Variants in CNTFR observed in about 807,000 individuals in gnomAD.
CNTFR encodes ciliary neurotrophic factor receptor.
In CNTFR, 12 loss-of-function variants were observed where a neutral mutation model predicts 40.4. The observed-to-expected ratio is 0.30, with a 90% confidence interval of 0.19 to 0.48. The LOEUF is 0.48. Among genes scored for constraint, CNTFR ranks in the 20% least tolerant of loss-of-function variants. The pLI is 0.99. For missense variants in CNTFR, 414 were observed against 506.8 expected, an observed-to-expected ratio of 0.82 and a Z score of 1.76; for synonymous variants, 202 against 209.6, an observed-to-expected ratio of 0.96 and a Z score of 0.31.
At chr9:34,575,994 C>G (rs990484036) in intron 2 of CNTFR, among the ~76,000 whole-genome samples, 7 of 152,046 alleles carry the variant, frequency 4.6e-5, no homozygotes, top group African/African-American at 1.7e-4. Flanking sequence ...GGCGTGAGTA[C>G]GTGCACACAC....
chr9:34,589,781 C>G (rs909296597), upstream of CNTFR: 6 of 149,496 alleles, frequency 4.0e-5, no homozygotes, highest in African/African-American at 1.5e-4. The surrounding 1 kb of genome is among the most constrained non-coding windows in gnomAD (Gnocchi z 4.4). Flanking sequence ...CTCCCTCGCG[C>G]GCTCCCTCCC....
intron 2 of CNTFR, among the ~76,000 whole-genome samples, chr9:34,578,257 C>A (rs1356171289): frequency 6.6e-6 from 1 of 152,206 alleles, no homozygotes; most frequent in African/African-American, 2.4e-5. Context: ...GAGGAAGGAG[C>A]GCGCTGCAAG....
intron 2 of CNTFR, among the ~76,000 whole-genome samples, chr9:34,576,192 G>A (rs761516435): frequency 2.0e-5 from 3 of 152,140 alleles, no homozygotes; most frequent in Non-Finnish European, 4.4e-5. Context: ...GGCATTCAGA[G>A]CCTACCATCG....
Position 34,553,922 on chromosome 9 carries a change from G to A in CNTFR, c.769-1068C>T, listed in dbSNP as rs372558411. Among the ~76,000 whole-genome samples the A allele has an allele frequency of 7.9e-5, 12 of 152,222 alleles. 1 individual carries two copies. The East Asian group carries it at 1.4e-3, about 17-fold the overall frequency. ...TTGGTCCCTGTTCCAACCTTCCCCC[G>A]AGAAAACTGGGGTCTGGGCTATCTG... On this transcript the variant is annotated intron_variant, in intron 7 of 9. Transcript: ENST00000378980.
intron 3 of CNTFR, among the ~76,000 whole-genome samples, chr9:34,566,497 G>A (rs1315868909): frequency 3.3e-5 from 5 of 152,082 alleles, no homozygotes; most frequent in Non-Finnish European, 7.4e-5. Flanking sequence ...CCAAGACTCC[G>A]GCCACTGAGC....
intron 2 of CNTFR, chr9:34,569,941 T>A (rs1823565015): frequency 6.6e-6 from 1 of 152,206 alleles, no homozygotes; most frequent in Non-Finnish European, 1.5e-5. Context: ...CTTCCTGAGA[T>A]GAGTCCAACT....
chr9:34,555,108 C>G (rs115780171), intron 7 of CNTFR, among the ~76,000 whole-genome samples: 5,231 of 152,320 alleles, frequency 0.034, 318 homozygotes, highest in African/African-American at 0.12. Flanking sequence ...GTGTGCGCCG[C>G]GACGCGCGGG....
chr9:34,558,258 C>T (rs537022574), intron 4 of CNTFR, among the ~76,000 whole-genome samples: 1 of 152,320 alleles, frequency 6.6e-6, no homozygotes, highest in East Asian at 1.9e-4. Flanking sequence ...GGGCTGCGGG[C>T]CTCAACTCAT....
At chr9:34,559,137 G>A (rs1286533192) in intron 4 of CNTFR, among the ~76,000 whole-genome samples, 3 of 152,206 alleles carry the variant, frequency 2.0e-5, no homozygotes, top group African/African-American at 4.8e-5. Context: ...ATGGGAGGGG[G>A]GCAGCGCAAT....
rs1193736896 is a variant in CNTFR at position 34,560,295 on chromosome 9, GTGTAAC to G, written c.320-2317_320-2312del. On this transcript the variant is annotated intron_variant, in intron 4 of 9. Transcript: ENST00000378980. ...TAAGACGCTGTGATTGCAAGGCTGTGTGTAACTGTGAGGCTCCATGTGTGTGGCTGT... is the reference window on the plus strand; with the variant it reads ...TAAGACGCTGTGATTGCAAGGCTGTGTGTGAGGCTCCATGTGTGTGGCTGT... Among the ~76,000 whole-genome samples, 947 of 152,312 alleles carry G rather than the reference GTGTAAC, an allele frequency of 6.2e-3. 8 individuals are homozygous for G. The highest frequency in any genetic ancestry group is 0.022 in the African/African-American group (913 of 41,548).
intron 2 of CNTFR, among the ~76,000 whole-genome samples, chr9:34,574,096 T>C (rs1401125742): frequency 5.2e-5 from 3 of 58,234 alleles, no homozygotes; most frequent in African/African-American, 1.4e-4. Context: ...GCGTGGGCGG[T>C]GGGGGCGGGG....
chr9:34,555,288 G>A (rs1174588547), intron 7 of CNTFR, among the ~76,000 whole-genome samples: 1 of 152,128 alleles, frequency 6.6e-6, no homozygotes, highest in Admixed American at 6.5e-5. Flanking sequence ...CCCAGGAATC[G>A]AATTACACAC....
chr9:34,584,213 A>G (rs1323354712), intron 1 of CNTFR, among the ~76,000 whole-genome samples: 1 of 152,260 alleles, frequency 6.6e-6, no homozygotes, highest in Non-Finnish European at 1.5e-5. Context: ...CTCTCTTAGA[A>G]GGAAATTCTC....
At chr9:34,585,871 C>T (rs1827517549) in intron 1 of CNTFR, among the ~76,000 whole-genome samples, 1 of 152,174 alleles carries the variant, frequency 6.6e-6, no homozygotes. Flanking sequence ...CCCCCTAACC[C>T]ATCTGCATTT....
intron 4 of CNTFR, among the ~76,000 whole-genome samples, chr9:34,560,435 T>C (rs1205533800): frequency 6.6e-6 from 1 of 152,176 alleles, no homozygotes; most frequent in Non-Finnish European, 1.5e-5. Context: ...ACTGTCTCTA[T>C]GTGCTAGGCT....
intron 1 of CNTFR, among the ~76,000 whole-genome samples, chr9:34,584,394 T>G (rs890043849): frequency 6.6e-6 from 1 of 152,244 alleles, no homozygotes; most frequent in Non-Finnish European, 1.5e-5. Context: ...CAGTCTTTCC[T>G]GGCGTTGGAT....
At position 34,552,533 on chromosome 9, in the gene CNTFR, G is replaced by A; in HGVS notation, c.949+141C>T. 1 of 1,044,896 alleles carries A rather than the reference G, an allele frequency of 9.6e-7. No homozygotes were observed. The highest frequency in any genetic ancestry group is 1.4e-6 in the Non-Finnish European group (1 of 736,644). The allele number at this position is 1,044,896 out of a possible 1,614,324, so 64.7% of individuals were successfully genotyped here. On this transcript the variant is annotated intron_variant, in intron 8 of 9. Transcript: ENST00000378980. This position sits in a 1 kb window ranked among gnomAD's most constrained non-coding sequence, Gnocchi z 5.1. ...TGTCCAGATAGCAAGGACCAGGAAT[G>A]GCAGGAGTTGGACAGACAGGCAGAA...
At chr9:34,590,462 C>T (rs905730140), upstream of CNTFR, among the ~76,000 whole-genome samples, 1 of 152,190 alleles carries the variant, frequency 6.6e-6, no homozygotes, top group African/African-American at 2.4e-5. Flanking sequence ...CCTATTGCTA[C>T]TGCCCCCCGC....
Position 34,552,286 on chromosome 9 carries a change from G to A in CNTFR, c.993C>T (p.Thr331=), listed in dbSNP as rs1201009144. The change falls in exon 9 of 10, where the codon ACC becomes ACT. Residue 331 remains threonine (T), a synonymous_variant. Transcript: ENST00000378980. This position sits in a 1 kb window ranked among gnomAD's most constrained non-coding sequence, Gnocchi z 5.1. ...STTSSLAPPP[T]TKICDPGELG... ...GCTCCCCAGGGTCACAGATCTTCGT[G>A]GTAGGTGGGGGTGCCAGGGAGCTGG... 13 of 1,545,160 alleles carry A rather than the reference G, an allele frequency of 8.4e-6. No homozygotes were observed. Among genetic ancestry groups the A allele is most frequent in the Non-Finnish European group, 1.1e-5 (13 of 1,147,898 alleles).
Sources: gnomAD v4.1 joint callset for allele counts (sites outside exome capture counted in the v4.1 genomes callset) on GRCh38, gnomAD v4.1.1 for gene constraint, Gnocchi (gnomAD v3.1) non-coding constraint, MANE v1.5 for transcripts, NCBI Gene and HGNC (gene_info 2026-07-23, HGNC 2026-07-21) for gene names.